Variants in FGF12 observed in about 807,000 individuals in gnomAD.
FGF12 encodes fibroblast growth factor 12B.
In FGF12, 14 loss-of-function variants were observed where a neutral mutation model predicts 23.6. That is an observed-to-expected ratio of 0.59 (90% CI 0.39 to 0.93). FGF12 has a LOEUF of 0.93. FGF12 is among the 40% of genes least tolerant of loss of function. FGF12 has a pLI of 0.00. For synonymous variants in FGF12, 62 were observed against 77.3 expected (o/e 0.80, Z 1.04); for missense variants, 175 against 217.8 (o/e 0.80, Z 1.24).
intron 2 of FGF12, chr3:192,515,050 G>A (rs945641004): frequency 6.3e-6 from 1 of 159,982 alleles, no homozygotes; most frequent in Non-Finnish European, 1.3e-5. Context: ...GTCTGAGGAC[G>A]ACGCGGAGGA....
intron 2 of FGF12, among the ~76,000 whole-genome samples, chr3:192,368,118 A>AC (rs1203558744): frequency 2.0e-5 from 3 of 152,138 alleles, no homozygotes; most frequent in Admixed American, 6.6e-5. Context: ...CCAAAAAAAA[A>AC]CAGAGCAGAA....
At chr3:192,429,679 T>C (rs1251265778) in intron 2 of FGF12, among the ~76,000 whole-genome samples, 3 of 152,192 alleles carry the variant, frequency 2.0e-5, no homozygotes, top group Admixed American at 6.5e-5. Flanking sequence ...CCACAATGTA[T>C]GTTACTTTTT....
chr3:192,525,235 A>G (rs1359477499), intron 2 of FGF12, among the ~76,000 whole-genome samples: 1 of 152,204 alleles, frequency 6.6e-6, no homozygotes, highest in Non-Finnish European at 1.5e-5. Context: ...AGATTTAATC[A>G]TCCATTTCCA....
chr3:192,550,012 GTC>G (rs938263284), intron 2 of FGF12, among the ~76,000 whole-genome samples: 9 of 151,512 alleles, frequency 5.9e-5, no homozygotes, highest in African/African-American at 2.2e-4. Context: ...TCCTCCCTCT[GTC>G]TCTCTCTGTC....
chr3:192,142,904 A>G lies in FGF12; in HGVS notation c.*1105T>C, dbSNP rs1713477721. The stretch of plus-strand genomic sequence containing the variant: ...GTCATGTCTCCAAATTTCATGGCAG[A>G]GTTTAAAAAACAATATAAGACTGTG... On this transcript the variant is annotated 3_prime_UTR_variant, in exon 6 of 6. Coordinates refer to ENST00000445105, the MANE Select transcript of FGF12 (RefSeq NM_004113.6). The G allele has an allele frequency of 6.6e-6, 1 of 152,144 alleles. No individual in the cohort carries two copies. The highest frequency in any genetic ancestry group is 1.5e-5 in the Non-Finnish European group (1 of 67,988). The allele number at this position is 152,144 out of a possible 1,614,324, so 9.4% of individuals were successfully genotyped here.
At chr3:192,463,361 A>G (rs538062070) in intron 2 of FGF12, among the ~76,000 whole-genome samples, 34 of 152,122 alleles carry the variant, frequency 2.2e-4, no homozygotes, top group African/African-American at 7.5e-4. Context: ...CAGAGGTTGC[A>G]GTGAGCTGAG....
At chr3:192,364,101 G>C (rs911730562) in intron 2 of FGF12, among the ~76,000 whole-genome samples, 3 of 152,164 alleles carry the variant, frequency 2.0e-5, no homozygotes, top group Non-Finnish European at 4.4e-5. Context: ...CCATAGGCAA[G>C]GAAACCAGAG....
At chr3:192,582,828 A>G (rs1713212464) in intron 2 of FGF12, among the ~76,000 whole-genome samples, 1 of 152,092 alleles carries the variant, frequency 6.6e-6, no homozygotes, top group African/African-American at 2.4e-5. Context: ...ACCCTACCAC[A>G]CCTGAGCTCT....
intron 2 of FGF12, among the ~76,000 whole-genome samples, chr3:192,582,289 A>G (rs916089272): frequency 3.9e-5 from 6 of 152,206 alleles, no homozygotes; most frequent in Non-Finnish European, 7.3e-5. Context: ...TTTATTTCAT[A>G]TCTTCTTCCA....
intron 2 of FGF12, among the ~76,000 whole-genome samples, chr3:192,533,262 T>C (rs1725139822): frequency 6.6e-6 from 1 of 152,162 alleles, no homozygotes; most frequent in Admixed American, 6.5e-5. Context: ...ATAATATCAC[T>C]TCCCCCATAA....
rs1714249949 is a variant in FGF12, at chr3:192,154,617, A to G, written c.428-10490T>C. Among the ~76,000 whole-genome samples, 2 of 150,956 alleles carry G rather than the reference A, an allele frequency of 1.3e-5. 1 individual carries two copies. Among genetic ancestry groups the G allele is most frequent in the African/African-American group, 4.9e-5 (2 of 41,056 alleles). On this transcript the variant is annotated intron_variant, in intron 5 of 5. Coordinates refer to ENST00000445105, the MANE Select transcript of FGF12 (RefSeq NM_004113.6). ...CCCTGCTGGGCGGTGCCTCCCAGTT[A>G]GGCTGCTCGGGGGTCAGGGGTCAGG...
intron 2 of FGF12, among the ~76,000 whole-genome samples, chr3:192,701,704 T>C (rs1205120339): frequency 6.6e-6 from 1 of 152,108 alleles, no homozygotes; most frequent in Non-Finnish European, 1.5e-5. Flanking sequence ...TTTATGAAAA[T>C]AATTTTATTT....
chr3:192,388,440 T>C (rs1720146768), intron 2 of FGF12, among the ~76,000 whole-genome samples: 1 of 152,166 alleles, frequency 6.6e-6, no homozygotes, highest in Admixed American at 6.5e-5. Context: ...GAGGTTGACA[T>C]ATGTTAGGTG....
At chr3:192,497,000 C>T (rs1723977065) in intron 2 of FGF12, among the ~76,000 whole-genome samples, 1 of 152,146 alleles carries the variant, frequency 6.6e-6, no homozygotes, top group African/African-American at 2.4e-5. Context: ...TCCTAAATAC[C>T]ATCATCTATA....
chr3:192,234,259 T>C (rs915622115), intron 4 of FGF12, among the ~76,000 whole-genome samples: 3 of 152,128 alleles, frequency 2.0e-5, no homozygotes, highest in Non-Finnish European at 4.4e-5. Flanking sequence ...TCTCATAGAG[T>C]ACTTTCCCCT....
intron 3 of FGF12, among the ~76,000 whole-genome samples, chr3:192,357,722 T>C (rs1718541301): frequency 1.3e-5 from 2 of 152,294 alleles, no homozygotes; most frequent in South Asian, 4.2e-4. Flanking sequence ...ATCAAAATCT[T>C]TTCACTCATG....
intron 2 of FGF12, among the ~76,000 whole-genome samples, chr3:192,691,048 C>T (rs1717927880): frequency 6.6e-6 from 1 of 152,060 alleles, no homozygotes; most frequent in Admixed American, 6.5e-5. Flanking sequence ...CAAATATTAA[C>T]AGATCCGAAG....
At chr3:192,658,105 C>G (rs1716513530) in intron 2 of FGF12, among the ~76,000 whole-genome samples, 1 of 151,940 alleles carries the variant, frequency 6.6e-6, no homozygotes, top group African/African-American at 2.4e-5. Context: ...GACAAAAATA[C>G]AATAGGACAC....
chr3:192,487,943 G>A (rs1330638396), intron 2 of FGF12, among the ~76,000 whole-genome samples: 1 of 152,084 alleles, frequency 6.6e-6, no homozygotes, highest in African/African-American at 2.4e-5. Flanking sequence ...GAGTAGGAAT[G>A]AATGCCAGGC....
Sources: gnomAD v4.1 joint callset for allele counts (sites outside exome capture counted in the v4.1 genomes callset) on GRCh38, gnomAD v4.1.1 for gene constraint, MANE v1.5 for transcripts, NCBI Gene and HGNC (gene_info 2026-07-23, HGNC 2026-07-21) for gene names.